FHIT: variants seen among roughly 807,000 people sequenced by gnomAD.
The protein encoded by FHIT is bis(5'-adenosyl)-triphosphatase.
Under a neutral mutation model 17.9 loss-of-function variants are expected in FHIT, and 19 were observed. The observed-to-expected ratio is 1.06, with a 90% CI of 0.74 to 1.56. FHIT has a LOEUF of 1.56. Ranked by LOEUF, FHIT falls within the 40% of genes most tolerant of loss-of-function variation. The pLI is 0.00. For synonymous variants in FHIT, 81 were observed against 69.7 expected, an observed-to-expected ratio of 1.16 and a Z score of -0.81; for missense variants, 248 against 189.2, an observed-to-expected ratio of 1.31 and a Z score of -1.82.
intron 4 of FHIT, among the ~76,000 whole-genome samples, chr3:60,619,599 GCAAAAAAAAA>G (rs1559588370): frequency 3.1e-5 from 1 of 32,174 alleles, no homozygotes; most frequent in Non-Finnish European, 5.4e-5. Context: ...ATACCCACAT[GCAAAAAAAAA>G]AAAAAAAAAA....
chr3:60,566,449 A>G (rs539333473), intron 4 of FHIT, among the ~76,000 whole-genome samples: 1 of 152,298 alleles, frequency 6.6e-6, no homozygotes, highest in Non-Finnish European at 1.5e-5. Context: ...GGTATTGATG[A>G]GACGTATCTC....
chr3:59,910,057 C>T (rs1375645768), intron 8 of FHIT, among the ~76,000 whole-genome samples: 1 of 152,090 alleles, frequency 6.6e-6, no homozygotes, highest in Non-Finnish European at 1.5e-5. Flanking sequence ...CTTATTTTGC[C>T]AAGGCTGAGG....
rs370698890 is a variant in FHIT at position 60,365,993 on chromosome 3, C to A, written c.103+170867G>T. Among the ~76,000 whole-genome samples the A allele has an allele frequency of 1.4e-4, 21 of 152,304 alleles. No homozygotes were observed. In the East Asian group the frequency reaches 3.5e-3, roughly 25 times the overall value. ...ATTTTGCCTTCATTGAATGACCAAACAACTGGTGTTCAAAATAAAATATAT... is the reference window on the plus strand; with the variant it reads ...ATTTTGCCTTCATTGAATGACCAAAAAACTGGTGTTCAAAATAAAATATAT... On this transcript the variant is annotated intron_variant, in intron 5 of 9. Coordinates refer to ENST00000492590, the MANE Select transcript of FHIT (RefSeq NM_002012.4).
At chr3:60,207,410 C>G (rs1472266151) in intron 5 of FHIT, among the ~76,000 whole-genome samples, 1 of 152,044 alleles carries the variant, frequency 6.6e-6, no homozygotes, top group Non-Finnish European at 1.5e-5. Flanking sequence ...CAACAGACCT[C>G]GAAAGGCTTC....
intron 5 of FHIT, among the ~76,000 whole-genome samples, chr3:60,534,438 T>TAAAAAAAAAAAAAAAAA (rs78775671): frequency 2.3e-4 from 1 of 4,376 alleles, no homozygotes; most frequent in African/African-American, 8.7e-4. Flanking sequence ...AGACTCCGTC[T>TAAAAAAAAAAAAAAAAA]CAAAAAAAAA....
intron 7 of FHIT, among the ~76,000 whole-genome samples, chr3:59,995,129 C>G (rs1181193439): frequency 6.6e-6 from 1 of 151,558 alleles, no homozygotes; most frequent in Non-Finnish European, 1.5e-5. Flanking sequence ...TCCCTTCTGA[C>G]AATCTTGTCC....
chr3:61,170,582 T>C (rs556857840), intron 2 of FHIT, among the ~76,000 whole-genome samples: 1 of 152,294 alleles, frequency 6.6e-6, no homozygotes, highest in East Asian at 1.9e-4. Context: ...TGTCCATGTG[T>C]TCTCATCATT....
At chr3:60,953,047 A>G (rs369167672) in intron 3 of FHIT, among the ~76,000 whole-genome samples, 2 of 152,154 alleles carry the variant, frequency 1.3e-5, no homozygotes, top group African/African-American at 4.8e-5. Context: ...AGAGTGTACA[A>G]TTTTGCCTCC....
At chr3:59,959,890 G>C (rs995712241) in intron 7 of FHIT, among the ~76,000 whole-genome samples, 3 of 152,168 alleles carry the variant, frequency 2.0e-5, no homozygotes, top group African/African-American at 7.2e-5. Context: ...TAATTAGGTG[G>C]AAGGCAGGTG....
At chr3:61,051,867 AATG>A in intron 2 of FHIT, among the ~76,000 whole-genome samples, 1 of 152,344 alleles carries the variant, frequency 6.6e-6, no homozygotes, top group East Asian at 1.9e-4. Context: ...CACTGCATCT[AATG>A]ATGAGTAAGA....
chr3:61,041,544 T>G (rs1198255719), intron 3 of FHIT, among the ~76,000 whole-genome samples: 1 of 152,144 alleles, frequency 6.6e-6, no homozygotes, highest in Admixed American at 6.5e-5. Context: ...CAGCCCTTCT[T>G]TTTACTGATA....
chr3:60,292,288 C>T (rs187775179), intron 5 of FHIT, among the ~76,000 whole-genome samples: 100 of 152,166 alleles, frequency 6.6e-4, no homozygotes, highest in Admixed American at 6.3e-3. Flanking sequence ...TGAGACGCTT[C>T]GAAATAGTTG....
chr3:59,990,547 C>T (rs1310474979), intron 7 of FHIT, among the ~76,000 whole-genome samples: 1 of 152,054 alleles, frequency 6.6e-6, no homozygotes, highest in Non-Finnish European at 1.5e-5. Context: ...CTGCTTACTC[C>T]TTAACTTGGC....
chr3:60,618,711 ATTAAG>A (rs1297930340), intron 4 of FHIT, among the ~76,000 whole-genome samples: 2 of 152,172 alleles, frequency 1.3e-5, no homozygotes, highest in African/African-American at 2.4e-5. Context: ...TTGAAATTTG[ATTAAG>A]TTAAGGGCCT....
At chr3:60,860,285 GTATACATGAGATACATCATAT>G (rs1553751248) in intron 3 of FHIT, among the ~76,000 whole-genome samples, 66 of 136,120 alleles carry the variant, frequency 4.8e-4, no homozygotes, top group East Asian at 2.8e-3. Flanking sequence ...TACATCATAT[GTATACATGAGATACATCATAT>G]GTATACATGA....
intron 7 of FHIT, among the ~76,000 whole-genome samples, chr3:59,992,781 G>C (rs970966699): frequency 2.6e-5 from 4 of 151,996 alleles, no homozygotes; most frequent in African/African-American, 9.7e-5. Flanking sequence ...CTTAGTCACA[G>C]AACAGAGAGA....
chr3:61,204,163 A>C (rs893109205), intron 1 of FHIT, among the ~76,000 whole-genome samples: 10 of 152,192 alleles, frequency 6.6e-5, no homozygotes, highest in Admixed American at 4.6e-4. Context: ...GTTGTTTTTG[A>C]ATATAAAGTA....
chr3:61,058,804 C>T (rs1342226892), intron 2 of FHIT, among the ~76,000 whole-genome samples: 1 of 152,172 alleles, frequency 6.6e-6, no homozygotes, highest in Admixed American at 6.5e-5. Flanking sequence ...AACCCAACAA[C>T]CTTACATGGT....
chr3:60,688,449 T>A (rs1357316756), intron 4 of FHIT, among the ~76,000 whole-genome samples: 1 of 151,734 alleles, frequency 6.6e-6, no homozygotes, highest in Non-Finnish European at 1.5e-5. Context: ...TTTTTTTTTT[T>A]AGACAGAGTT....
Sources: allele counts gnomAD v4.1 joint callset (sites outside exome capture counted in the v4.1 genomes callset), GRCh38; gene constraint gnomAD v4.1.1; transcripts MANE v1.5; gene names NCBI Gene and HGNC (gene_info 2026-07-23, HGNC 2026-07-21).